MTCH2: variants seen among roughly 807,000 people sequenced by gnomAD.
The protein encoded by MTCH2 is mitochondrial carrier homolog 2.
MTCH2 carries 25 observed loss-of-function variants against 50.6 expected under a neutral mutation model. That is an observed-to-expected ratio of 0.49 (90% confidence interval 0.36 to 0.69). MTCH2 has a LOEUF of 0.69. Among genes scored for constraint, MTCH2 ranks in the 30% least tolerant of loss-of-function variants. The probability of loss-of-function intolerance (pLI) is 0.00; values close to 1 mark genes in which losing one functional copy is unlikely to be tolerated. For missense variants in MTCH2, 273 were observed against 384.4 expected (o/e 0.71, Z 2.42); for synonymous variants, 106 against 132.0 (o/e 0.80, Z 1.35).
At chr11:47,621,743 TTTG>T (rs1316490247) in intron 12 of MTCH2, among the ~76,000 whole-genome samples, 7 of 152,062 alleles carry the variant, frequency 4.6e-5, no homozygotes, top group Admixed American at 4.6e-4. Context: ...CCTGTAGTTT[TTTG>T]TTAAGAGACA....
Position 47,642,537 on chromosome 11 carries a change from G to A in MTCH2, c.-72C>T. The A allele has an allele frequency of 1.4e-6, 2 of 1,384,648 alleles. No homozygotes were observed. The highest frequency in any genetic ancestry group is 1.9e-6 in the Non-Finnish European group (2 of 1,030,796). 85.8% of individuals were successfully genotyped at this position (1,384,648 alleles called of 1,614,324 possible). On this transcript the variant is annotated 5_prime_UTR_variant, in exon 1 of 13. In the 5' UTR this introduces an upstream ATG that the reference lacks. Coordinates refer to ENST00000302503, the MANE Select transcript of MTCH2 (RefSeq NM_014342.4). Reference sequence around the variant, plus strand: ...ACCCGGTGAGCCGGTCCTAGGTCACGTGCCAGGGCCGCCGGTTTCACTGGC... The same window carrying A: ...ACCCGGTGAGCCGGTCCTAGGTCACATGCCAGGGCCGCCGGTTTCACTGGC...
intron 10 of MTCH2, among the ~76,000 whole-genome samples, chr11:47,626,580 CAT>C (rs1421534912): frequency 6.6e-6 from 1 of 152,088 alleles, no homozygotes; most frequent in Non-Finnish European, 1.5e-5. Flanking sequence ...TTTATTTTCA[CAT>C]GTGAGTCTGT....
chr11:47,630,267 A>G (rs1229444390), intron 8 of MTCH2, among the ~76,000 whole-genome samples: 1 of 152,194 alleles, frequency 6.6e-6, no homozygotes, highest in Admixed American at 6.6e-5. Context: ...TTGGCCTCTC[A>G]AAGTGCTGGG....
chr11:47,630,417 G>A, intron 8 of MTCH2, 138 bp downstream of exon 8: 4 of 715,570 alleles, frequency 5.6e-6, no homozygotes, highest in South Asian at 3.8e-5. Context: ...AAAAAATAAG[G>A]GGCCTAAATA....
intron 5 of MTCH2, among the ~76,000 whole-genome samples, chr11:47,632,645 A>G (rs1000969599): frequency 3.3e-5 from 5 of 151,690 alleles, no homozygotes; most frequent in Non-Finnish European, 5.9e-5. Flanking sequence ...GGCATGAGCC[A>G]CCGTGCCTGG....
At chr11:47,634,003 T>A (rs2097306162) in intron 5 of MTCH2, among the ~76,000 whole-genome samples, 1 of 152,108 alleles carries the variant, frequency 6.6e-6, no homozygotes, top group Non-Finnish European at 1.5e-5. Flanking sequence ...TGAGGAACTT[T>A]TCAGAGTCAG....
rs919096571 is a variant in MTCH2, at chr11:47,638,865, A to G, written c.173-60T>C. On this transcript the variant is annotated intron_variant, in intron 2 of 12. Transcript: ENST00000302503. ...GGTCAAGAGAAATGGATATACTACA[A>G]TTTCAAAGAAACAAGCTTTCTATAT... 37 of 1,571,656 alleles carry G rather than the reference A, an allele frequency of 2.4e-5. No homozygotes were observed. In the African/African-American group the frequency reaches 2.6e-4, roughly 11 times the overall value.
At chr11:47,624,905 T>C (rs541771402) in intron 11 of MTCH2, among the ~76,000 whole-genome samples, 4 of 152,156 alleles carry the variant, frequency 2.6e-5, no homozygotes, top group Admixed American at 6.6e-5. Flanking sequence ...CTGGCCAACA[T>C]AGCAAGACCC....
intron 1 of MTCH2, among the ~76,000 whole-genome samples, chr11:47,640,271 G>A (rs763481482): frequency 6.6e-6 from 1 of 152,136 alleles, no homozygotes; most frequent in Non-Finnish European, 1.5e-5. Flanking sequence ...GGAGGTTGCA[G>A]TGAGCCGAGA....
intron 8 of MTCH2, chr11:47,629,277 G>C (rs554707559): frequency 2.1e-6 from 1 of 487,704 alleles, no homozygotes; most frequent in African/African-American, 1.9e-5. Context: ...ATGCAGGTCG[G>C]CTATACCCTC....
intron 3 of MTCH2, among the ~76,000 whole-genome samples, chr11:47,636,069 A>G (rs942511217): frequency 1.3e-5 from 2 of 151,964 alleles, no homozygotes. Context: ...CAGAGGTTGC[A>G]GTGAGCCAAG....
rs1201024652 is a variant in MTCH2, at chr11:47,618,193, G to C, written c.*640C>G. 3 of 152,004 alleles carry C rather than the reference G, an allele frequency of 2.0e-5. No individual in the cohort carries two copies. Among genetic ancestry groups the C allele is most frequent in the African/African-American group, 7.3e-5 (3 of 41,376 alleles). 9.4% of individuals were successfully genotyped at this position (152,004 alleles called of 1,614,324 possible). ...TTTATTTTTTTTCAGGTAGCCTCTT[G>C]AACTAGAGTAGGCTCAGAGGCTCCC... On this transcript the variant is annotated 3_prime_UTR_variant, in exon 13 of 13. Coordinates refer to ENST00000302503, the MANE Select transcript of MTCH2 (RefSeq NM_014342.4).
intron 5 of MTCH2, among the ~76,000 whole-genome samples, chr11:47,632,494 C>CA (rs1416048407): frequency 6.7e-6 from 1 of 149,778 alleles, no homozygotes; most frequent in East Asian, 2.0e-4. Flanking sequence ...GCTGGGACTA[C>CA]AGGCACCCGC....
chr11:47,608,319 C>T, the MTCH2 span, among the ~76,000 whole-genome samples: 1 of 152,172 alleles, frequency 6.6e-6, no homozygotes, highest in African/African-American at 2.4e-5. Context: ...CATCTCTTAG[C>T]TACCATGGTA....
At position 47,618,848 on chromosome 11, in the gene MTCH2, C is replaced by T. The variant is rs755433895; in HGVS notation, c.897G>A (p.Leu299=). 1 of 1,613,806 alleles carries T rather than the reference C, an allele frequency of 6.2e-7. No individual in the cohort carries two copies. The highest frequency in any genetic ancestry group is 8.5e-7 in the Non-Finnish European group (1 of 1,179,770). Residue 299 remains leucine, a synonymous_variant, in exon 13 of 13, where the codon CTG becomes CTA. Coordinates refer to ENST00000302503, the MANE Select transcript of MTCH2 (RefSeq NM_014342.4). ...VPFGKTYCCD[L]KMLI ...CCCCACATCTTCAAATTAACATTTTCAGGTCACAACAATAAGTCTTCCCAA... is the reference window on the plus strand; with the variant it reads ...CCCCACATCTTCAAATTAACATTTTTAGGTCACAACAATAAGTCTTCCCAA...
At position 47,638,918 on chromosome 11, in the gene MTCH2, A is replaced by G. The variant is rs111950909; in HGVS notation, c.172+49T>C. On this transcript the variant is annotated intron_variant, in intron 2 of 12. Coordinates refer to ENST00000302503, the MANE Select transcript of MTCH2 (RefSeq NM_014342.4). ...TTTCTTTCAATAACAACTCCTGCCTATCACAGTCCTCAACGTCATGCAAAC... is the reference window on the plus strand; with the variant it reads ...TTTCTTTCAATAACAACTCCTGCCTGTCACAGTCCTCAACGTCATGCAAAC... 1.6e-5 allele frequency: 25 copies of G among 1,581,536 alleles called. No homozygotes were observed. In the African/African-American group the frequency reaches 1.8e-4, roughly 11 times the overall value.
At chr11:47,608,596 A>G in the MTCH2 span, among the ~76,000 whole-genome samples, 1 of 152,172 alleles carries the variant, frequency 6.6e-6, no homozygotes, top group South Asian at 2.1e-4. Context: ...GCACAAATGT[A>G]CAGAGCAGAG....
Position 47,642,547 on chromosome 11 carries a change from C to T in MTCH2, c.-82G>A. 1.5e-6 allele frequency: 2 copies of T among 1,317,750 alleles called. No individual in the cohort carries two copies. Among genetic ancestry groups the T allele is most frequent in the African/African-American group, 3.1e-5 (2 of 64,848 alleles). The allele number at this position is 1,317,750 out of a possible 1,614,324, so 81.6% of individuals were successfully genotyped here. ...CCGGTCCTAGGTCACGTGCCAGGGC[C>T]GCCGGTTTCACTGGCCCGCCCGCGG... On this transcript the variant is annotated 5_prime_UTR_variant, in exon 1 of 13. Coordinates refer to ENST00000302503, the MANE Select transcript of MTCH2 (RefSeq NM_014342.4).
the MTCH2 span, among the ~76,000 whole-genome samples, chr11:47,611,216 T>C: frequency 6.6e-6 from 1 of 152,236 alleles, no homozygotes; most frequent in African/African-American, 2.4e-5. Context: ...GCTACTCACT[T>C]AATGACTGAC....
Sources: allele counts gnomAD v4.1 joint callset (sites outside exome capture counted in the v4.1 genomes callset), GRCh38; gene constraint gnomAD v4.1.1; transcripts MANE v1.5; gene names NCBI Gene and HGNC (gene_info 2026-07-23, HGNC 2026-07-21).